Variants in HS6ST1 observed in about 807,000 individuals in gnomAD.
HS6ST1 encodes the protein heparan-sulfate 6-O-sulfotransferase 1.
HS6ST1 carries 3 observed loss-of-function variants against 25.2 expected under a neutral mutation model. That is an observed-to-expected ratio of 0.12 (90% CI 0.05 to 0.31). The LOEUF (loss-of-function observed/expected upper bound fraction) is 0.31. Among genes scored for constraint, HS6ST1 ranks in the 10% least tolerant of loss-of-function variants. The pLI is 1.00. For missense variants in HS6ST1, 310 were observed against 609.6 expected, an observed-to-expected ratio of 0.51 and a Z score of 5.18; for synonymous variants, 204 against 275.1, an observed-to-expected ratio of 0.74 and a Z score of 2.56.
chr2:128,294,944 C>A (rs1694018103), intron 1 of HS6ST1, among the ~76,000 whole-genome samples: 1 of 152,108 alleles, frequency 6.6e-6, no homozygotes, highest in African/African-American at 2.4e-5. Flanking sequence ...AAGCAGTTGC[C>A]AGGATACCCA....
At chr2:128,269,849 G>A (rs2104909770) in intron 1 of HS6ST1, among the ~76,000 whole-genome samples, 1 of 152,304 alleles carries the variant, frequency 6.6e-6, no homozygotes, top group East Asian at 1.9e-4. Context: ...TGGCAACATG[G>A]AAGTGTACCC....
rs1270783412 is a variant in HS6ST1, at chr2:128,267,764, G to A, written c.*398C>T. 1.8e-5 allele frequency: 5 copies of A among 272,356 alleles called. No individual in the cohort carries two copies. Among genetic ancestry groups the A allele is most frequent in the South Asian group, 1.7e-4 (3 of 17,508 alleles). The allele number at this position is 272,356 out of a possible 1,614,324, so 16.9% of individuals were successfully genotyped here. The stretch of plus-strand genomic sequence containing the variant: ...TAGCCCGGACAGAGGAGCTAAGAGC[G>A]AGTGCTGTGTGCATAGTTGGTGAGG... On this transcript the variant is annotated 3_prime_UTR_variant, in exon 2 of 2. Coordinates refer to ENST00000259241, the MANE Select transcript of HS6ST1 (RefSeq NM_004807.3).
intron 1 of HS6ST1, among the ~76,000 whole-genome samples, chr2:128,306,278 G>A (rs1029975302): frequency 6.6e-6 from 1 of 152,178 alleles, no homozygotes; most frequent in African/African-American, 2.4e-5. Flanking sequence ...TCCATCAACT[G>A]TGGTCGGGCT....
intron 1 of HS6ST1, 128 bp downstream of exon 1, chr2:128,317,909 G>T: frequency 8.8e-7 from 1 of 1,141,312 alleles, no homozygotes; most frequent in Non-Finnish European, 1.1e-6. Flanking sequence ...AGGGGTGCCG[G>T]CGAGTGGGGG....
At chr2:128,280,060 A>C (rs917654056) in intron 1 of HS6ST1, among the ~76,000 whole-genome samples, 1 of 152,206 alleles carries the variant, frequency 6.6e-6, no homozygotes, top group Admixed American at 6.5e-5. Context: ...AGGACGCCAA[A>C]GCTGGGAGCT....
intron 1 of HS6ST1, among the ~76,000 whole-genome samples, chr2:128,288,699 A>ATGTAC (rs1553456567): frequency 9.2e-5 from 14 of 151,802 alleles, no homozygotes; most frequent in South Asian, 6.2e-4. Context: ...AAACAAACAA[A>ATGTAC]ACAATCTAAT....
At chr2:128,303,730 G>A (rs1694168317) in intron 1 of HS6ST1, among the ~76,000 whole-genome samples, 1 of 152,216 alleles carries the variant, frequency 6.6e-6, no homozygotes, top group Non-Finnish European at 1.5e-5. Flanking sequence ...GAACGCTACT[G>A]CAGCCCAGTG....
chr2:128,281,587 G>C (rs1693787529), intron 1 of HS6ST1, among the ~76,000 whole-genome samples: 1 of 152,238 alleles, frequency 6.6e-6, no homozygotes. Context: ...GTAGAGCGAA[G>C]AGAAAGAGCC....
chr2:128,276,006 G>C (rs1379743892), intron 1 of HS6ST1, among the ~76,000 whole-genome samples: 1 of 152,172 alleles, frequency 6.6e-6, no homozygotes, highest in African/African-American at 2.4e-5. Flanking sequence ...AACACCATGG[G>C]AAAGGTGACG....
intron 1 of HS6ST1, among the ~76,000 whole-genome samples, chr2:128,306,340 C>T (rs1694208993): frequency 6.6e-6 from 1 of 152,152 alleles, no homozygotes; most frequent in Admixed American, 6.5e-5. Context: ...GAATGTGGAC[C>T]AGGATTCCAG....
intron 1 of HS6ST1, among the ~76,000 whole-genome samples, chr2:128,277,661 C>G (rs533333843): frequency 7.2e-5 from 11 of 152,222 alleles, no homozygotes; most frequent in Admixed American, 7.2e-4. Flanking sequence ...GCCAGTGAGG[C>G]TAAGGCACAC....
chr2:128,305,393 G>T (rs940519103), intron 1 of HS6ST1, among the ~76,000 whole-genome samples: 1 of 152,224 alleles, frequency 6.6e-6, no homozygotes, highest in Admixed American at 6.5e-5. Context: ...GACGTGTGCC[G>T]ACAAGCGGCC....
intron 1 of HS6ST1, among the ~76,000 whole-genome samples, chr2:128,303,319 G>A (rs1374695257): frequency 2.6e-5 from 4 of 152,242 alleles, no homozygotes; most frequent in Admixed American, 2.6e-4. Context: ...GAGGAGCTGG[G>A]AGCAGGCTGA....
intron 1 of HS6ST1, among the ~76,000 whole-genome samples, chr2:128,284,274 G>C (rs993413842): frequency 5.9e-5 from 9 of 152,264 alleles, no homozygotes; most frequent in South Asian, 2.1e-4. Flanking sequence ...TGCCAACACA[G>C]GCACCTGGTC....
At chr2:128,282,144 C>T (rs1325193987) in intron 1 of HS6ST1, among the ~76,000 whole-genome samples, 1 of 152,240 alleles carries the variant, frequency 6.6e-6, no homozygotes, top group African/African-American at 2.4e-5. Context: ...AAACCATGGC[C>T]AGGGTGGTGT....
intron 1 of HS6ST1, among the ~76,000 whole-genome samples, chr2:128,299,495 C>T (rs757759219): frequency 2.0e-5 from 3 of 152,234 alleles, no homozygotes; most frequent in African/African-American, 7.2e-5. Context: ...CAGACCCCTA[C>T]GCTGGACACT....
At chr2:128,276,951 G>A (rs965962679) in intron 1 of HS6ST1, among the ~76,000 whole-genome samples, 2 of 152,184 alleles carry the variant, frequency 1.3e-5, no homozygotes, top group African/African-American at 2.4e-5. Flanking sequence ...AGTGAAGGAG[G>A]ACCACCTCAA....
At chr2:128,268,967 G>T in intron 1 of HS6ST1, 97 bp from the exon 2 acceptor site, 1 of 1,024,144 alleles carries the variant, frequency 9.8e-7, no homozygotes, top group Admixed American at 1.9e-5. Context: ...CAGGAGTTTG[G>T]GCTTCGCCTC....
intron 1 of HS6ST1, among the ~76,000 whole-genome samples, chr2:128,296,154 C>T (rs546578376): frequency 7.2e-5 from 11 of 152,224 alleles, no homozygotes; most frequent in Non-Finnish European, 1.6e-4. Context: ...GTCTCAAGAA[C>T]TGTGAGAAAT....
Sources: gnomAD v4.1 joint callset for allele counts (sites outside exome capture counted in the v4.1 genomes callset) on GRCh38, gnomAD v4.1.1 for gene constraint, MANE v1.5 for transcripts, NCBI Gene and HGNC (gene_info 2026-07-23, HGNC 2026-07-21) for gene names.